SUSD4: variants seen among roughly 807,000 people sequenced by gnomAD.
SUSD4 encodes the protein sushi domain-containing protein 4.
In SUSD4, 41 loss-of-function variants were observed where a neutral mutation model predicts 50.5. That is an observed-to-expected ratio of 0.81 (90% CI 0.63 to 1.05). The LOEUF (loss-of-function observed/expected upper bound fraction) is 1.05. Ranked by LOEUF, SUSD4 falls within the 50% of genes least tolerant of loss-of-function variation. SUSD4 has a pLI of 0.00. For missense variants in SUSD4, 580 were observed against 634.7 expected (o/e 0.91, Z 0.93); for synonymous variants, 257 against 257.3 (o/e 1.00, Z 0.01).
chr1:223,327,324 C>T (rs1048876801), intron 2 of SUSD4, among the ~76,000 whole-genome samples: 2 of 152,056 alleles, frequency 1.3e-5, no homozygotes, highest in Non-Finnish European at 2.9e-5. Context: ...TTTGGAGACT[C>T]AGAAGTGGGA....
At chr1:223,260,164 C>CTG (rs1662000030) in intron 5 of SUSD4, among the ~76,000 whole-genome samples, 1 of 152,170 alleles carries the variant, frequency 6.6e-6, no homozygotes, top group Non-Finnish European at 1.5e-5. Flanking sequence ...GTAAAAGTAG[C>CTG]TGTGTGTGTA....
chr1:223,241,916 G>T (rs907886561), intron 5 of SUSD4, among the ~76,000 whole-genome samples: 4 of 152,038 alleles, frequency 2.6e-5, no homozygotes, highest in Admixed American at 1.3e-4. Flanking sequence ...CCCCTTTACG[G>T]TGGCCTGGGA....
chr1:223,361,274 G>T (rs1668961289), intron 2 of SUSD4, among the ~76,000 whole-genome samples: 1 of 152,116 alleles, frequency 6.6e-6, no homozygotes, highest in South Asian at 2.1e-4. Flanking sequence ...TGCCCAAACG[G>T]TTTATTCATA....
At chr1:223,291,651 A>T (rs990119342) in intron 3 of SUSD4, among the ~76,000 whole-genome samples, 9 of 152,188 alleles carry the variant, frequency 5.9e-5, no homozygotes, top group African/African-American at 2.2e-4. Context: ...TTTCAAATGA[A>T]CTCAATGAAA....
chr1:223,273,479 T>C (rs1223861573), intron 3 of SUSD4, among the ~76,000 whole-genome samples: 1 of 152,246 alleles, frequency 6.6e-6, no homozygotes, highest in Non-Finnish European at 1.5e-5. Flanking sequence ...TCTTTGTTTG[T>C]CTGGGGGCTC....
chr1:223,321,512 C>T (rs1332082632), intron 2 of SUSD4, among the ~76,000 whole-genome samples: 1 of 152,230 alleles, frequency 6.6e-6, no homozygotes, highest in Non-Finnish European at 1.5e-5. Flanking sequence ...TCACCCAGTG[C>T]CCTTCATCTC....
intron 2 of SUSD4, among the ~76,000 whole-genome samples, chr1:223,348,699 G>A (rs75710176): frequency 1.6e-3 from 251 of 152,246 alleles, no homozygotes; most frequent in African/African-American, 5.3e-3. Context: ...CTAAAGGTGC[G>A]TAAGCCCAAA....
At chr1:223,268,040 T>TATATATATATATATATATATAC (rs1558197215) in intron 4 of SUSD4, among the ~76,000 whole-genome samples, 1 of 81,280 alleles carries the variant, frequency 1.2e-5, no homozygotes, top group Non-Finnish European at 3.2e-5. Context: ...TATATATATA[T>TATATATATATATATATATATAC]ATACACACAC....
chr1:223,345,134 A>G (rs2103310734), intron 2 of SUSD4, among the ~76,000 whole-genome samples: 1 of 152,352 alleles, frequency 6.6e-6, no homozygotes, highest in South Asian at 2.1e-4. Flanking sequence ...GATAACTTAC[A>G]TTGAAGTGGT....
chr1:223,355,914 T>A, intron 2 of SUSD4, among the ~76,000 whole-genome samples: 1 of 152,158 alleles, frequency 6.6e-6, no homozygotes, highest in East Asian at 1.9e-4. Flanking sequence ...GGGTGTGCAC[T>A]CTTGGGTACA....
At chr1:223,343,568 A>G (rs1462784683) in intron 2 of SUSD4, among the ~76,000 whole-genome samples, 3 of 152,234 alleles carry the variant, frequency 2.0e-5, no homozygotes, top group African/African-American at 7.2e-5. Flanking sequence ...GTTAAGTAAT[A>G]CAAGTAGGTA....
intron 2 of SUSD4, among the ~76,000 whole-genome samples, chr1:223,317,488 C>T (rs1013109379): frequency 2.6e-5 from 4 of 152,150 alleles, no homozygotes; most frequent in Non-Finnish European, 5.9e-5. Context: ...TTGCATGAGA[C>T]TCAAGAACCC....
intron 2 of SUSD4, among the ~76,000 whole-genome samples, chr1:223,306,355 A>G (rs1241918780): frequency 1.3e-5 from 2 of 152,248 alleles, no homozygotes; most frequent in Admixed American, 6.5e-5. Context: ...TCATCTATTC[A>G]AAATCAAGCA....
intron 3 of SUSD4, 149 bp from the exon 4 acceptor site, chr1:223,268,824 G>T: frequency 1.2e-6 from 1 of 815,080 alleles, no homozygotes; most frequent in Non-Finnish European, 1.9e-6. Flanking sequence ...AGGCTCAGGT[G>T]CCAATGACGA....
Position 223,344,139 on chromosome 1 carries a change from C to T in SUSD4, c.148+19139G>A, listed in dbSNP as rs557362020. Among the ~76,000 whole-genome samples, 27 of 152,288 alleles carry T rather than the reference C, an allele frequency of 1.8e-4. No homozygotes were observed. In the South Asian group the frequency reaches 5.4e-3, roughly 30 times the overall value. On this transcript the variant is annotated intron_variant, in intron 2 of 8. Transcript: ENST00000366878. ...TGCTTAGCCTTCAGAACTGTCTTCT[C>T]AATAAATATATACAGACAGCCTGAC...
At position 223,295,502 on chromosome 1, in the gene SUSD4, G is replaced by A. The variant is rs1000772233; in HGVS notation, c.149-2851C>T. 3.9e-5 allele frequency among the ~76,000 whole-genome samples: 6 copies of A among 152,230 alleles called. No individual in the cohort carries two copies. In the Middle Eastern group the frequency reaches 0.01, roughly 259 times the overall value. On this transcript the variant is annotated intron_variant, in intron 2 of 8. Coordinates refer to ENST00000366878, the MANE Select transcript of SUSD4 (RefSeq NM_017982.4). ...GGCAAGATGAGTGTGCCATAATAGA[G>A]GATGGGAACCTCTGCAAAGCCTTGA... is the stretch of plus-strand genomic sequence containing the variant.
Position 223,332,929 on chromosome 1 carries a change from C to A in SUSD4, c.148+30349G>T, listed in dbSNP as rs537503081. The stretch of plus-strand genomic sequence containing the variant: ...TTCTGACGGAAGAAATGGCCACCTG[C>A]TCCTGATACTCTGCGTGGAAGCTGC... On this transcript the variant is annotated intron_variant, in intron 2 of 8. Transcript: ENST00000366878. The surrounding 1 kb of genome is among the most constrained non-coding windows in gnomAD (Gnocchi z 4.0). Among the ~76,000 whole-genome samples the A allele has an allele frequency of 3.9e-5, 6 of 152,158 alleles. No individual in the cohort carries two copies. The South Asian group carries it at 1.2e-3, about 32-fold the overall frequency.
At chr1:223,357,921 A>C (rs1668756098) in intron 2 of SUSD4, among the ~76,000 whole-genome samples, 1 of 152,220 alleles carries the variant, frequency 6.6e-6, no homozygotes, top group Admixed American at 6.5e-5. Context: ...CCCTCAATTC[A>C]GAGGCAATGA....
At chr1:223,270,726 T>C (rs573346521) in intron 3 of SUSD4, among the ~76,000 whole-genome samples, 102 of 152,242 alleles carry the variant, frequency 6.7e-4, no homozygotes, top group African/African-American at 1.9e-3. Flanking sequence ...CATGCCACTG[T>C]GCCCAGCTAA....
Sources: gnomAD v4.1 joint callset for allele counts (sites outside exome capture counted in the v4.1 genomes callset) on GRCh38, gnomAD v4.1.1 for gene constraint, Gnocchi (gnomAD v3.1) non-coding constraint, MANE v1.5 for transcripts, NCBI Gene and HGNC (gene_info 2026-07-23, HGNC 2026-07-21) for gene names.